Variants in CD8B2 observed in about 807,000 individuals in gnomAD.
CD8B2 encodes T-cell surface glycoprotein CD8 beta-2 chain.
CD8B2 carries 11 observed loss-of-function variants against 23.7 expected under a neutral mutation model. The observed-to-expected ratio is 0.46, with a 90% CI of 0.29 to 0.77. CD8B2 has a LOEUF of 0.77. Among genes scored for constraint, CD8B2 ranks in the 30% least tolerant of loss-of-function variants. The pLI, the probability that CD8B2 is intolerant of heterozygous loss-of-function variation, is 0.09. For missense variants in CD8B2, 197 were observed against 270.5 expected (o/e 0.73, Z 1.91); for synonymous variants, 90 against 109.3 (o/e 0.82, Z 1.10).
At chr2:106,490,633 C>A (rs1679175440) in intron 1 of CD8B2, among the ~76,000 whole-genome samples, 1 of 152,262 alleles carries the variant, frequency 6.6e-6, no homozygotes, top group South Asian at 2.1e-4. Context: ...GCAGCTCTCT[C>A]CCCTGTACCT....
intron 5 of CD8B2, among the ~76,000 whole-genome samples, chr2:106,528,777 A>G (rs1036868910): frequency 6.6e-6 from 1 of 152,212 alleles, no homozygotes. Context: ...GATGTTCAGC[A>G]TCTTGGAAGG....
chr2:106,490,878 C>T lies in CD8B2; in HGVS notation c.48C>T (p.Leu16=), dbSNP rs1679180902. Residue 16 remains leucine, a synonymous_variant, in exon 2 of 6, where the codon CTC becomes CTT. Coordinates refer to ENST00000643224, the MANE Select transcript of CD8B2 (RefSeq NM_001349727.2). The stretch of plus-strand genomic sequence containing the variant: ...TCTGTTCTTGGCTTTTCCTAGTTCT[C>T]CATGGCAACTCAGTCCTCCAGCAGA... The part of the protein sequence containing the change: ...WLLLAAQLTV[L]HGNSVLQQTP... The T allele has an allele frequency of 6.4e-7, 1 of 1,571,034 alleles. No individual in the cohort carries two copies. The highest frequency in any genetic ancestry group is 1.4e-5 in the African/African-American group (1 of 74,022).
intron 5 of CD8B2, among the ~76,000 whole-genome samples, chr2:106,532,578 T>G (rs989255246): frequency 6.6e-6 from 1 of 152,220 alleles, no homozygotes; most frequent in Non-Finnish European, 1.5e-5. Flanking sequence ...TGGTTATTTC[T>G]TGATTATATG....
At chr2:106,540,497 AC>A (rs1313748130) in intron 5 of CD8B2, among the ~76,000 whole-genome samples, 1 of 151,842 alleles carries the variant, frequency 6.6e-6, no homozygotes, top group Non-Finnish European at 1.5e-5. Context: ...AAGCAGGCAA[AC>A]CCCCTGCTTT....
intron 5 of CD8B2, among the ~76,000 whole-genome samples, chr2:106,525,739 T>G (rs1196824019): frequency 1.3e-5 from 2 of 152,202 alleles, no homozygotes; most frequent in Non-Finnish European, 2.9e-5. Flanking sequence ...CTTTTGTGAC[T>G]GGCTTTTCAT....
intron 4 of CD8B2, among the ~76,000 whole-genome samples, chr2:106,502,978 C>CT (rs1317838469): frequency 6.6e-6 from 1 of 151,412 alleles, no homozygotes. Flanking sequence ...AAAAGTTTGC[C>CT]TATGGGGTTT....
At chr2:106,531,479 A>G (rs1001672962) in intron 5 of CD8B2, among the ~76,000 whole-genome samples, 4 of 152,088 alleles carry the variant, frequency 2.6e-5, no homozygotes, top group Middle Eastern at 3.2e-3. Flanking sequence ...GTTCTATCCA[A>G]GATGTCCTGG....
chr2:106,491,935 G>A (rs906320786), intron 2 of CD8B2, among the ~76,000 whole-genome samples: 5 of 152,256 alleles, frequency 3.3e-5, no homozygotes, highest in African/African-American at 1.2e-4. Flanking sequence ...ATTGGGCTGA[G>A]CCCCTTGGCC....
intron 5 of CD8B2, among the ~76,000 whole-genome samples, chr2:106,536,425 C>T (rs1209737803): frequency 6.6e-6 from 1 of 152,142 alleles, no homozygotes; most frequent in Non-Finnish European, 1.5e-5. Flanking sequence ...AATCACCTCC[C>T]ACCAGGCCCT....
chr2:106,506,001 C>T (rs1679497933), intron 5 of CD8B2, among the ~76,000 whole-genome samples: 1 of 152,056 alleles, frequency 6.6e-6, no homozygotes, highest in East Asian at 1.9e-4. Context: ...GGCGTGGTGG[C>T]GGGCGCCTAT....
chr2:106,543,982 T>C (rs1229676104), intron 5 of CD8B2: 9 of 398,568 alleles, frequency 2.3e-5, no homozygotes, highest in Non-Finnish European at 3.5e-5. Flanking sequence ...AAGTCCTATT[T>C]TTCTTCCAGA....
At chr2:106,537,181 C>G (rs895066310) in intron 5 of CD8B2, among the ~76,000 whole-genome samples, 1 of 152,124 alleles carries the variant, frequency 6.6e-6, no homozygotes, top group African/African-American at 2.4e-5. Flanking sequence ...GGCTTCCCCC[C>G]AAATGCTGCC....
chr2:106,529,324 T>G (rs1679961744), intron 5 of CD8B2, among the ~76,000 whole-genome samples: 1 of 152,302 alleles, frequency 6.6e-6, no homozygotes, highest in Non-Finnish European at 1.5e-5. Context: ...AGGGACCAGT[T>G]GCCCTTTAGA....
chr2:106,534,325 C>T (rs1481587784), intron 5 of CD8B2, among the ~76,000 whole-genome samples: 2 of 152,084 alleles, frequency 1.3e-5, no homozygotes, highest in Non-Finnish European at 2.9e-5. Context: ...ACTTAAGGTC[C>T]TGAGGAAGAA....
Position 106,490,948 on chromosome 2 carries a change from T to C in CD8B2, c.118T>C (p.Ser40Pro). Residue 40 changes from serine (S) to proline (P), a missense_variant, in exon 2 of 6, where the codon TCC (serine) becomes CCC (proline). Transcript: ENST00000643224. Reference protein sequence around the residue: ...KVQTNKMVMLSCEAKISLSNM... With the variant: ...KVQTNKMVMLPCEAKISLSNM... ...GCAAACCAACAAGATGGTGATGCTG[T>C]CCTGCGAGGCTAAAATCTCCCTCAG... 1 of 1,613,940 alleles carries C rather than the reference T, an allele frequency of 6.2e-7. No individual in the cohort carries two copies.
At chr2:106,533,173 G>A (rs1354659846) in intron 5 of CD8B2, among the ~76,000 whole-genome samples, 2 of 152,224 alleles carry the variant, frequency 1.3e-5, no homozygotes, top group African/African-American at 2.4e-5. Flanking sequence ...GGTCCCAGGG[G>A]ACAGGAATGC....
intron 5 of CD8B2, among the ~76,000 whole-genome samples, chr2:106,527,011 T>C (rs1679917297): frequency 6.6e-6 from 1 of 152,228 alleles, no homozygotes; most frequent in African/African-American, 2.4e-5. Context: ...ATTTGAGGTA[T>C]TATAAATAAT....
intron 3 of CD8B2, among the ~76,000 whole-genome samples, chr2:106,497,929 A>T (rs1573331891): frequency 6.6e-6 from 1 of 152,156 alleles, no homozygotes; most frequent in East Asian, 1.9e-4. Flanking sequence ...AGTTTAAACA[A>T]AGGGAAGACC....
intron 5 of CD8B2, among the ~76,000 whole-genome samples, chr2:106,535,936 A>G (rs1680080888): frequency 6.6e-6 from 1 of 152,024 alleles, no homozygotes; most frequent in Admixed American, 6.6e-5. Context: ...AGACCTGAGG[A>G]AGTTTTCAAT....
Sources: gnomAD v4.1 joint callset for allele counts (sites outside exome capture counted in the v4.1 genomes callset) on GRCh38, gnomAD v4.1.1 for gene constraint, MANE v1.5 for transcripts, NCBI Gene and HGNC (gene_info 2026-07-23, HGNC 2026-07-21) for gene names.